Variants in RASA3 observed in about 807,000 individuals in gnomAD.
The protein encoded by RASA3 is RAS p21 protein activator 3.
RASA3 carries 73 observed loss-of-function variants against 110.0 expected under a neutral mutation model. The ratio of observed to expected loss-of-function variants is 0.66; its 90% CI spans 0.55 to 0.81. The LOEUF (loss-of-function observed/expected upper bound fraction) is 0.81, where lower values mean the gene tolerates loss of function less well. Among genes scored for constraint, RASA3 ranks in the 30% least tolerant of loss-of-function variants. The pLI, the probability that RASA3 is intolerant of heterozygous loss-of-function variation, is 0.00. For missense variants in RASA3, 976 were observed against 1,113.2 expected, an observed-to-expected ratio of 0.88 and a Z score of 1.75; for synonymous variants, 500 against 451.4, an observed-to-expected ratio of 1.11 and a Z score of -1.37.
Position 114,112,399 on chromosome 13 carries a change from C to T in RASA3, c.55+20036G>A, listed in dbSNP as rs1021656919. 2.6e-5 allele frequency among the ~76,000 whole-genome samples: 4 copies of T among 152,152 alleles called. No individual in the cohort carries two copies. The highest frequency in any genetic ancestry group is 4.4e-5 in the Non-Finnish European group (3 of 68,038). ...GAAGGAGCAGAAGCTCTGCGGGTGA[C>T]TGTTTGGGAAGCTGGTCTGCTCCTG... On this transcript the variant is annotated intron_variant, in intron 1 of 23. Coordinates refer to ENST00000334062, the MANE Select transcript of RASA3 (RefSeq NM_007368.4). This position sits in a 1 kb window ranked among gnomAD's most constrained non-coding sequence, Gnocchi z 4.8.
In RASA3 at chr13:114,132,416, G is replaced by A; in HGVS notation, c.55+19C>T. On this transcript the variant is annotated intron_variant, in intron 1 of 23. Transcript: ENST00000334062. Reference sequence around the variant, plus strand: ...GTCGGGCCGGGGGGTCGGACGCGTGGCTGCCGGCGGACACTCACCGATCTT... The same window carrying A: ...GTCGGGCCGGGGGGTCGGACGCGTGACTGCCGGCGGACACTCACCGATCTT... 3 of 1,512,226 alleles carry A rather than the reference G, an allele frequency of 2.0e-6. No individual in the cohort carries two copies. The highest frequency in any genetic ancestry group is 1.8e-6 in the Non-Finnish European group (2 of 1,136,740). The allele number at this position is 1,512,226 out of a possible 1,614,324, so 93.7% of individuals were successfully genotyped here. A position where few individuals can be genotyped will look rare whatever the true frequency, so the allele number is the denominator to read the frequency against.
chr13:114,044,614 G>A (rs993064953), intron 3 of RASA3, among the ~76,000 whole-genome samples: 1 of 141,102 alleles, frequency 7.1e-6, no homozygotes, highest in Non-Finnish European at 1.5e-5. Context: ...CCTCTCCTCT[G>A]ACGACCGCTG....
chr13:114,071,704 A>G (rs1009700286), intron 2 of RASA3, among the ~76,000 whole-genome samples: 7 of 152,188 alleles, frequency 4.6e-5, no homozygotes, highest in African/African-American at 1.7e-4. Context: ...GTGCATTAAC[A>G]TAACACAAAT....
rs754536379 is a variant in RASA3 at position 114,073,816 on chromosome 13, G to A, written c.77C>T (p.Ser26Phe). 40 of 1,614,104 alleles carry A rather than the reference G, an allele frequency of 2.5e-5. No homozygotes were observed. In the Admixed American group the frequency reaches 3.3e-4, roughly 13 times the overall value. The change falls in exon 2 of 24, where the codon TCT (serine) becomes TTT (phenylalanine). Residue 26 changes from serine (S) to phenylalanine (F), a missense_variant. Ser to Phe is a radical substitution (Grantham distance 155, BLOSUM62 -2). Around this residue, in one of 4 missense-constraint regions of RASA3, gnomAD observed 732 missense variants for 779.7 expected, o/e 0.94. Transcript: ENST00000334062. Reference sequence around the variant, plus strand: ...CCTCATCTTGCTCGGCCCCGGGTAAGAGGGAAGGTTTTTGGCTTCACCTAA... The same window carrying A: ...CCTCATCTTGCTCGGCCCCGGGTAAAAGGGAAGGTTTTTGGCTTCACCTAA... Reference protein sequence around the residue: ...IKIGEAKNLPSYPGPSKMRDC... With the variant: ...IKIGEAKNLPFYPGPSKMRDC...
chr13:114,077,368 G>C (rs1197059219), intron 1 of RASA3, among the ~76,000 whole-genome samples: 1 of 147,284 alleles, frequency 6.8e-6, no homozygotes, highest in Admixed American at 6.8e-5. Flanking sequence ...ACGATGCCCA[G>C]TCCTACCGCA....
chr13:114,013,303 G>A, intron 14 of RASA3, 55 bp from the exon 15 acceptor site: 1 of 1,381,090 alleles, frequency 7.2e-7, no homozygotes, highest in South Asian at 1.3e-5. Context: ...GGCCTCGTGG[G>A]GACACCATGC....
At chr13:114,131,583 C>A (rs1371500142) in intron 1 of RASA3, among the ~76,000 whole-genome samples, 1 of 152,194 alleles carries the variant, frequency 6.6e-6, no homozygotes, top group Non-Finnish European at 1.5e-5. Flanking sequence ...AGAGAAAAAC[C>A]GCAGCCTCGC....
chr13:114,018,453 T>C (rs6560952), intron 10 of RASA3, among the ~76,000 whole-genome samples: 98,302 of 151,988 alleles, frequency 0.65, 32,168 homozygotes, highest in Middle Eastern at 0.81. Flanking sequence ...TGCACCTCCT[T>C]CTAGCGACCC....
At chr13:114,104,856 C>A (rs1594461085) in intron 1 of RASA3, among the ~76,000 whole-genome samples, 1 of 149,174 alleles carries the variant, frequency 6.7e-6, no homozygotes, top group Non-Finnish European at 1.5e-5. Flanking sequence ...CCCACACACA[C>A]GTTCACACCC....
intron 1 of RASA3, among the ~76,000 whole-genome samples, chr13:114,109,285 A>G (rs980190483): frequency 6.6e-6 from 1 of 152,102 alleles, no homozygotes; most frequent in Non-Finnish European, 1.5e-5. Context: ...CTGTCTTGAG[A>G]AAAGTGTAAA....
At chr13:114,013,640 A>C (rs1328300488) in intron 14 of RASA3, among the ~76,000 whole-genome samples, 1,549 of 24,636 alleles carry the variant, frequency 0.063, no homozygotes, top group Middle Eastern at 0.11. Context: ...CTCTCTCTCC[A>C]TCTCTTTGTC....
In RASA3 at chr13:114,066,268, G is replaced by A. The variant is rs555304119; in HGVS notation, c.173+7452C>T. 2.1e-3 allele frequency among the ~76,000 whole-genome samples: 318 copies of A among 152,328 alleles called. 5 individuals are homozygous for A. Among genetic ancestry groups the A allele is most frequent in the Non-Finnish European group, 2.1e-4 (14 of 68,014 alleles). On this transcript the variant is annotated intron_variant, in intron 2 of 23. Coordinates refer to ENST00000334062, the MANE Select transcript of RASA3 (RefSeq NM_007368.4). Reference sequence around the variant, plus strand: ...TGACTGCAGCAGTGACTCTCAGGAGGAGGCACAACCAGACACCGGGTCCCC... The same window carrying A: ...TGACTGCAGCAGTGACTCTCAGGAGAAGGCACAACCAGACACCGGGTCCCC...
rs994853961 is a variant in RASA3, at chr13:114,014,691, C to T, written c.1405+518G>A. Among the ~76,000 whole-genome samples the T allele has an allele frequency of 5.9e-5, 9 of 152,138 alleles. No homozygotes were observed. The highest frequency in any genetic ancestry group is 1.9e-4 in the East Asian group (1 of 5,154). ...GATGCCCAGGTCCCTAGGGGATCTCCGGCTTGGGGGTTTGAAGAAAGGGCA... is the reference window on the plus strand; with the variant it reads ...GATGCCCAGGTCCCTAGGGGATCTCTGGCTTGGGGGTTTGAAGAAAGGGCA... On this transcript the variant is annotated intron_variant, in intron 14 of 23. Coordinates refer to ENST00000334062, the MANE Select transcript of RASA3 (RefSeq NM_007368.4). The surrounding 1 kb of genome is among the most constrained non-coding windows in gnomAD (Gnocchi z 4.5).
chr13:114,122,930 C>T (rs2080397672), intron 1 of RASA3, among the ~76,000 whole-genome samples: 1 of 152,202 alleles, frequency 6.6e-6, no homozygotes, highest in African/African-American at 2.4e-5. Flanking sequence ...AGGAAAAGGC[C>T]GCGGCAGCAC....
intron 1 of RASA3, among the ~76,000 whole-genome samples, chr13:114,126,793 G>A (rs2080456623): frequency 6.6e-6 from 1 of 152,228 alleles, no homozygotes. Flanking sequence ...TGCAAAAGAA[G>A]GCCTTGGCCT....
At chr13:114,004,672 C>T (rs1309269751) in intron 18 of RASA3, among the ~76,000 whole-genome samples, 2 of 152,168 alleles carry the variant, frequency 1.3e-5, no homozygotes, top group South Asian at 2.1e-4. Flanking sequence ...AGGACGTGAG[C>T]GCTTGCACGC....
In RASA3 at chr13:114,017,169, A is replaced by AGTGCCC. The variant is rs2053811583; in HGVS notation, c.1206+62_1206+67dup. ...TCGTGGTCTGGCTGGATCCCAGTGC[A>AGTGCCC]GTGCCCTCTGTTGGGGGAAATCCTC... On this transcript the variant is annotated intron_variant, in intron 12 of 23. Transcript: ENST00000334062. 6 of 1,402,152 alleles carry AGTGCCC rather than the reference A, an allele frequency of 4.3e-6. No homozygotes were observed. In the South Asian group the frequency reaches 6.9e-5, roughly 16 times the overall value. 86.9% of individuals were successfully genotyped at this position (1,402,152 alleles called of 1,614,324 possible).
At chr13:113,992,745 G>A (rs535260678) in intron 21 of RASA3, among the ~76,000 whole-genome samples, 157 bp from the exon 22 acceptor site, 1 of 152,356 alleles carries the variant, frequency 6.6e-6, no homozygotes, top group East Asian at 1.9e-4. Context: ...GTGCACAGCC[G>A]GTGTGTTGGC....
Position 114,009,464 on chromosome 13 carries a change from C to G in RASA3, c.1591G>C (p.Ala531Pro). The G allele has an allele frequency of 6.2e-7, 1 of 1,607,112 alleles. No homozygotes were observed. The highest frequency in any genetic ancestry group is 8.5e-7 in the Non-Finnish European group (1 of 1,175,008). ...TLGSLSKSKS[A>P]SFKESYMATF... ...GCCATGTAGGACTCCTTAAAACTCG[C>G]CTAAAATGAAACGGAGATCACTCGA... Residue 531 changes from alanine to proline, a missense_variant and splice_region_variant, in exon 17 of 24, where the codon GCG becomes CCG. Physicochemically the swap from Ala to Pro is conservative, Grantham distance 27 (BLOSUM62 -1). Coordinates refer to ENST00000334062, the MANE Select transcript of RASA3 (RefSeq NM_007368.4).
Sources: allele counts gnomAD v4.1 joint callset (sites outside exome capture counted in the v4.1 genomes callset), GRCh38; gene constraint gnomAD v4.1.1; regional missense constraint gnomAD v4.1.1; non-coding constraint Gnocchi (gnomAD v3.1); transcripts MANE v1.5; gene names NCBI Gene and HGNC (gene_info 2026-07-23, HGNC 2026-07-21).